FRMPD3: variants seen among roughly 807,000 people sequenced by gnomAD.
The protein encoded by FRMPD3 is FERM and PDZ domain-containing protein 3.
FRMPD3 carries 42 observed loss-of-function variants against 97.9 expected under a neutral mutation model. The observed-to-expected ratio is 0.43, with a 90% confidence interval of 0.34 to 0.55. FRMPD3 has a LOEUF of 0.55. Among genes scored for constraint, FRMPD3 ranks in the 20% least tolerant of loss-of-function variants. The pLI, the probability that FRMPD3 is intolerant of heterozygous loss-of-function variation, is 0.03. For synonymous variants in FRMPD3, 577 were observed against 581.1 expected, an observed-to-expected ratio of 0.99 and a Z score of 0.10; for missense variants, 1,303 against 1,457.7, an observed-to-expected ratio of 0.89 and a Z score of 1.73.
At chrX:107,553,859 C>T (rs1921966188) in intron 7 of FRMPD3, among the ~76,000 whole-genome samples, 1 of 112,083 alleles carries the variant, frequency 8.9e-6, no homozygotes, top group Non-Finnish European at 1.9e-5. Context: ...TGAAAACTTT[C>T]ACACATACAC....
chrX:107,498,412 T>G (rs16985203), intron 1 of FRMPD3, among the ~76,000 whole-genome samples: 15,587 of 111,327 alleles, frequency 0.14, 2,371 homozygotes, highest in African/African-American at 0.46. Flanking sequence ...ATCTCACCCA[T>G]CTGTTTTAGC....
intron 1 of FRMPD3, among the ~76,000 whole-genome samples, chrX:107,526,169 C>T (rs1248406595): frequency 8.9e-6 from 1 of 112,310 alleles, no homozygotes; most frequent in Admixed American, 9.4e-5. Context: ...ATTTCTTCCG[C>T]CACTTACTTG....
chrX:107,576,298 T>C lies in FRMPD3; in HGVS notation c.1297-17T>C. The C allele has an allele frequency of 8.3e-7, 1 of 1,206,963 alleles. No individual in the cohort carries two copies. On this transcript the variant is annotated splice_polypyrimidine_tract_variant and intron_variant, in intron 12 of 14. Transcript: ENST00000683843. ...CTCCTTCCCATGTCTTCATGTTTCT[T>C]CCCTTCTCTTCTGCAGCCTCTGGTG...
In FRMPD3 at chrX:107,602,150, T is replaced by C. The variant is rs754236569; in HGVS notation, c.4111T>C (p.Ser1371Pro). The change falls in exon 15 of 15, where the codon TCG (serine) becomes CCG (proline). Residue 1371 changes from serine (S) to proline (P), a missense_variant. Transcript: ENST00000683843. ...ECRSDPESGV[S>P]CLTTCASGGE... ...CCGATCGGACCCTGAGAGTGGTGTT[T>C]CGTGCCTGACCACGTGTGCCTCGGG... is the stretch of plus-strand genomic sequence containing the variant. 23 of 1,209,317 alleles carry C rather than the reference T, an allele frequency of 1.9e-5. No homozygotes were observed. In the Admixed American group the frequency reaches 2.4e-4, roughly 13 times the overall value.
chrX:107,515,592 A>T (rs1406102077), intron 1 of FRMPD3, among the ~76,000 whole-genome samples: 1 of 112,007 alleles, frequency 8.9e-6, no homozygotes, highest in Non-Finnish European at 1.9e-5. Flanking sequence ...GTGGAGACAT[A>T]TGTGTAGAAA....
chrX:107,569,883 G>T (rs1031939549), intron 12 of FRMPD3, among the ~76,000 whole-genome samples: 1 of 110,506 alleles, frequency 9.0e-6, no homozygotes, highest in African/African-American at 3.3e-5. Flanking sequence ...GGGCATGGTG[G>T]CTTGCGCCTG....
At position 107,601,954 on chromosome X, in the gene FRMPD3, C is replaced by A. The variant is rs1309827320; in HGVS notation, c.3915C>A (p.Cys1305Ter). ...GCAGCTGTGACTGCAAGCGCATCTG[C>A]CGGGGGGGCCGGCCACAAGCCACCC... Reference protein sequence around the residue: ...QRRSCDCKRICRGGRPQATQT... With the variant: ...QRRSCDCKRI The change falls in exon 15 of 15, where the codon TGC (cysteine) becomes TGA (stop). Residue 1305 changes from cysteine (C) to a stop codon, truncating the protein, a stop_gained. Coordinates refer to ENST00000683843, the MANE Select transcript of FRMPD3 (RefSeq NM_001388459.1). LOFTEE classifies it high-confidence loss of function. The A allele has an allele frequency of 8.5e-7, 1 of 1,171,340 alleles. No individual in the cohort carries two copies. Among genetic ancestry groups the A allele is most frequent in the Non-Finnish European group, 1.1e-6 (1 of 876,916 alleles).
Position 107,560,407 on chromosome X carries a change from C to A in FRMPD3, c.899+14C>A. On this transcript the variant is annotated intron_variant, in intron 9 of 14. Coordinates refer to ENST00000683843, the MANE Select transcript of FRMPD3 (RefSeq NM_001388459.1). ...CAAGAATGTGGAGTGAGTTGTGCTG[C>A]GGCCCGTTGGGATGGGGGGCGAATA... The A allele has an allele frequency of 8.3e-7, 1 of 1,207,476 alleles. No homozygotes were observed. The highest frequency in any genetic ancestry group is 1.1e-6 in the Non-Finnish European group (1 of 894,149).
chrX:107,492,362 A>G (rs917752261), intron 1 of FRMPD3, among the ~76,000 whole-genome samples: 1 of 111,808 alleles, frequency 8.9e-6, no homozygotes, highest in African/African-American at 3.3e-5. Flanking sequence ...TTCTCAGATG[A>G]TGCAAAGTCA....
intron 1 of FRMPD3, among the ~76,000 whole-genome samples, chrX:107,472,077 G>T (rs1316322276): frequency 1.8e-5 from 2 of 112,027 alleles, no homozygotes; most frequent in Non-Finnish European, 1.9e-5. Context: ...TTTCATGTTT[G>T]TTGGCCACGT....
intron 13 of FRMPD3, among the ~76,000 whole-genome samples, chrX:107,596,601 G>A (rs1483615557): frequency 8.9e-6 from 1 of 111,970 alleles, no homozygotes; most frequent in Non-Finnish European, 1.9e-5. Flanking sequence ...AGGTAGGGCT[G>A]GCCCTGCATG....
At chrX:107,568,960 C>G (rs1425459171) in intron 12 of FRMPD3, among the ~76,000 whole-genome samples, 1 of 108,206 alleles carries the variant, frequency 9.2e-6, no homozygotes, top group Non-Finnish European at 1.9e-5. Flanking sequence ...AGAACCATGG[C>G]TCCTTGCCTT....
At chrX:107,518,546 C>CTA (rs1213229879) in intron 1 of FRMPD3, among the ~76,000 whole-genome samples, 5 of 110,935 alleles carry the variant, frequency 4.5e-5, no homozygotes, top group African/African-American at 1.6e-4. Flanking sequence ...ATTAGGAAGG[C>CTA]TATTATAAAA....
chrX:107,501,370 T>TCAGGCAGTGGTGCTCACCCC (rs1388241573), intron 1 of FRMPD3, among the ~76,000 whole-genome samples: 3 of 87,266 alleles, frequency 3.4e-5, no homozygotes, highest in African/African-American at 1.4e-4. Flanking sequence ...TTTTTTTTTT[T>TCAGGCAGTGGTGCTCACCCC]TTTTTTTTTG....
At chrX:107,566,563 G>A (rs1209148447) in intron 12 of FRMPD3, among the ~76,000 whole-genome samples, 1 of 112,244 alleles carries the variant, frequency 8.9e-6, no homozygotes, top group African/African-American at 3.2e-5. Flanking sequence ...AATAAAAGGG[G>A]TTTAAAATAG....
At chrX:107,530,349 A>G (rs1455146416) in intron 2 of FRMPD3, 60 bp from the exon 3 acceptor site, 1 of 967,682 alleles carries the variant, frequency 1.0e-6, no homozygotes, top group Non-Finnish European at 1.4e-6. Context: ...GGACTTGCCC[A>G]GACCTGGACT....
chrX:107,492,876 G>A (rs973394166), intron 1 of FRMPD3, among the ~76,000 whole-genome samples: 6 of 111,419 alleles, frequency 5.4e-5, no homozygotes, highest in African/African-American at 2.0e-4. Context: ...ATTGTTTGGA[G>A]ACTATAGAAA....
chrX:107,481,481 AGAGGGACAGG>A (rs1340056227), intron 1 of FRMPD3, among the ~76,000 whole-genome samples: 1 of 112,270 alleles, frequency 8.9e-6, no homozygotes. Flanking sequence ...TGCACAAGGA[AGAGGGACAGG>A]GACTTAATTT....
chrX:107,451,836 T>C, intron 1 of FRMPD3, among the ~76,000 whole-genome samples: 1 of 111,411 alleles, frequency 9.0e-6, no homozygotes, highest in Non-Finnish European at 1.9e-5. Flanking sequence ...GGTTTTACTG[T>C]TTTAAGTAGA....
Sources: allele counts gnomAD v4.1 joint callset (sites outside exome capture counted in the v4.1 genomes callset), GRCh38; gene constraint gnomAD v4.1.1; transcripts MANE v1.5; gene names NCBI Gene and HGNC (gene_info 2026-07-23, HGNC 2026-07-21).